Variants in CR2 observed in about 807,000 individuals in gnomAD.
CR2 encodes complement C3d receptor 2, also known as complement receptor type 2.
In CR2, 96 loss-of-function variants were observed where a neutral mutation model predicts 123.0. The ratio of observed to expected loss-of-function variants is 0.78; its 90% CI spans 0.66 to 0.93. CR2 has a LOEUF of 0.93. Ranked by LOEUF, CR2 falls within the 40% of genes least tolerant of loss-of-function variation. The pLI is 0.00. For missense variants in CR2, 1,258 were observed against 1,361.0 expected (o/e 0.92, Z 1.19); for synonymous variants, 484 against 469.5 (o/e 1.03, Z -0.40).
chr1:207,456,656 C>G lies in CR2; in HGVS notation c.58+2180C>G, dbSNP rs187308251. Among the ~76,000 whole-genome samples, 10 of 152,332 alleles carry G rather than the reference C, an allele frequency of 6.6e-5. No individual in the cohort carries two copies. In the East Asian group the frequency reaches 1.9e-3, roughly 29 times the overall value. The stretch of plus-strand genomic sequence containing the variant: ...TTATCCTATGCTGAGAAAACAAAAC[C>G]ATGAAACAAGAATGCTCCCATTTTC... On this transcript the variant is annotated intron_variant, in intron 1 of 19. Transcript: ENST00000367057.
intron 19 of CR2, among the ~76,000 whole-genome samples, chr1:207,486,724 T>C (rs1441216889): frequency 2.6e-5 from 4 of 152,124 alleles, no homozygotes; most frequent in Admixed American, 6.5e-5. Context: ...GACAGTAGGA[T>C]TCGTGGATAG....
At chr1:207,477,760 T>C in intron 15 of CR2, 125 bp from the exon 16 acceptor site, 1 of 771,396 alleles carries the variant, frequency 1.3e-6, no homozygotes, top group Non-Finnish European at 2.2e-6. Flanking sequence ...CCTATTTCAG[T>C]GCAGCTTTCC....
chr1:207,474,972 T>C lies in CR2; in HGVS notation c.2472T>C (p.Asp824=), dbSNP rs1223916481. The change falls in exon 14 of 20, where the codon GAT becomes GAC. Residue 824 remains aspartate (D), a synonymous_variant. Coordinates refer to ENST00000367057, the MANE Select transcript of CR2 (RefSeq NM_001006658.3). ...LGEKKLQCRS[D]SKGHGSWSGP... is the part of the protein sequence containing the mutation. ...AGAAAAAATTGCAGTGCAGAAGTGA[T>C]TCTAAAGGACATGGATCTTGGAGCG... 5 of 1,614,142 alleles carry C rather than the reference T, an allele frequency of 3.1e-6. No individual in the cohort carries two copies. The highest frequency in any genetic ancestry group is 1.1e-5 in the South Asian group (1 of 91,086).
In CR2 at chr1:207,489,546, A is replaced by G. The variant is rs1469818115; in HGVS notation, c.*423A>G. ...TTTTTAATTATCTAAAGTATGAAGCATTTTCTGGGGTTATGATGGCTTTAC... is the reference window on the plus strand; with the variant it reads ...TTTTTAATTATCTAAAGTATGAAGCGTTTTCTGGGGTTATGATGGCTTTAC... On this transcript the variant is annotated 3_prime_UTR_variant, in exon 20 of 20. Transcript: ENST00000367057. The G allele has an allele frequency of 6.6e-6, 1 of 152,148 alleles. No homozygotes were observed. Among genetic ancestry groups the G allele is most frequent in the Non-Finnish European group, 1.5e-5 (1 of 68,028 alleles). The allele number at this position is 152,148 out of a possible 1,614,324, so 9.4% of individuals were successfully genotyped here. A position where few individuals can be genotyped will look rare whatever the true frequency, so the allele number is the denominator to read the frequency against.
intron 17 of CR2, 85 bp downstream of exon 17, chr1:207,479,365 T>C: frequency 1.1e-6 from 1 of 932,044 alleles, no homozygotes; most frequent in Admixed American, 1.9e-5. Flanking sequence ...TCCTATCTGA[T>C]GATATATTTA....
Position 207,473,814 on chromosome 1 carries a change from T to G in CR2, c.2169T>G (p.His723Gln), listed in dbSNP as rs566892752. The change falls in exon 12 of 20, where the codon CAT (histidine) becomes CAG (glutamine). Residue 723 changes from histidine (H) to glutamine (Q), a missense_variant. By Grantham distance (24) the His-to-Gln change is conservative (BLOSUM62 0). Coordinates refer to ENST00000367057, the MANE Select transcript of CR2 (RefSeq NM_001006658.3). Reference sequence around the variant, plus strand: ...TTGCTTCTCCAGAAACATGCCAGCATGTGAGACAGAGTCTTCAAGAACTTC... The same window carrying G: ...TTGCTTCTCCAGAAACATGCCAGCAGGTGAGACAGAGTCTTCAAGAACTTC... ...SAPRCEETCQ[H>Q]VRQSLQELPA... The G allele has an allele frequency of 6.2e-7, 1 of 1,614,018 alleles. No homozygotes were observed. Among genetic ancestry groups the G allele is most frequent in the Non-Finnish European group, 8.5e-7 (1 of 1,179,898 alleles).
In CR2 at chr1:207,469,849, T is replaced by C; in HGVS notation, c.972T>C (p.Arg324=). 9 of 1,613,936 alleles carry C rather than the reference T, an allele frequency of 5.6e-6. No individual in the cohort carries two copies. The highest frequency in any genetic ancestry group is 7.6e-6 in the Non-Finnish European group (9 of 1,179,922). ...TCCTTATTGGAGAGAGCACTCTCCG[T>C]TGTACAGTTGATAGTCAGAAGACTG... ...NFILIGESTL[R]CTVDSQKTGT... is the part of the protein sequence containing the mutation. The change falls in exon 6 of 20, where the codon CGT becomes CGC. Residue 324 remains arginine, a synonymous_variant. Coordinates refer to ENST00000367057, the MANE Select transcript of CR2 (RefSeq NM_001006658.3).
At position 207,466,713 on chromosome 1, in the gene CR2, T is replaced by A; in HGVS notation, c.246T>A (p.Cys82Ter). The A allele has an allele frequency of 4.3e-6, 7 of 1,614,060 alleles. No individual in the cohort carries two copies. The highest frequency in any genetic ancestry group is 5.9e-6 in the Non-Finnish European group (7 of 1,179,932). ...DGTWDKPAPK[C>*]EYFNKYSSCP... ...CCTGGGATAAACCTGCTCCTAAATG[T>A]GAATATTTCAATAAATATTCTTCTT... is the stretch of plus-strand genomic sequence containing the variant. The change falls in exon 2 of 20, where the codon TGT becomes TGA. Residue 82 changes from cysteine to a stop codon, truncating the protein, a stop_gained. Transcript: ENST00000367057. LOFTEE classifies it high-confidence loss of function.
intron 1 of CR2, among the ~76,000 whole-genome samples, chr1:207,455,209 T>C (rs1190301559): frequency 6.6e-6 from 1 of 152,264 alleles, no homozygotes; most frequent in Non-Finnish European, 1.5e-5. Context: ...GTCTCTTGGC[T>C]ACAGGATGGG....
At chr1:207,468,350 T>C (rs1041103512) in intron 2 of CR2, 177 bp from the exon 3 acceptor site, 6 of 638,960 alleles carry the variant, frequency 9.4e-6, no homozygotes, top group Non-Finnish European at 1.6e-5. Context: ...ATTTTTTTTT[T>C]GCAATTTTTT....
In CR2 at chr1:207,485,463, G is replaced by A; in HGVS notation, c.3189-1G>A. 3 of 1,577,314 alleles carry A rather than the reference G, an allele frequency of 1.9e-6. No homozygotes were observed. The highest frequency in any genetic ancestry group is 1.3e-5 in the African/African-American group (1 of 74,246). ...ACATTTTTCTTTCTTCTTCTGTTTAGCAATTATTATACAGATACAAGCCAG... is the reference window on the plus strand; with the variant it reads ...ACATTTTTCTTTCTTCTTCTGTTTAACAATTATTATACAGATACAAGCCAG... On this transcript the variant is annotated splice_acceptor_variant, in intron 18 of 19. Transcript: ENST00000367057. LOFTEE classifies it high-confidence loss of function.
rs1358577219 is a variant in CR2 at position 207,471,423 on chromosome 1, G to C, written c.1494G>C (p.Gly498=). 6.2e-7 allele frequency: 1 copy of C among 1,610,170 alleles called. No homozygotes were observed. Among genetic ancestry groups the C allele is most frequent in the Non-Finnish European group, 8.5e-7 (1 of 1,176,560 alleles). Residue 498 remains glycine, a splice_region_variant and synonymous_variant, in exon 9 of 20, where the codon GGG becomes GGC. Coordinates refer to ENST00000367057, the MANE Select transcript of CR2 (RefSeq NM_001006658.3). ...ATGACATACGTGACTCTGTCTCTAG[G>C]TACAAGTTAAGTGGGAGTGTTTATC... is the stretch of plus-strand genomic sequence containing the variant. ...RPDVNSSCGE[G]YKLSGSVYQE... is the part of the protein sequence containing the mutation.
At chr1:207,478,181 C>G (rs1558195933) in intron 16 of CR2, 111 bp downstream of exon 16, 1 of 1,168,414 alleles carries the variant, frequency 8.6e-7, no homozygotes, top group Non-Finnish European at 1.2e-6. Flanking sequence ...AGGTTTGTGA[C>G]CAGTTGTATA....
In CR2 at chr1:207,470,932, T is replaced by A. The variant is rs1462907648; in HGVS notation, c.1402+16T>A. 10 of 1,613,868 alleles carry A rather than the reference T, an allele frequency of 6.2e-6. No individual in the cohort carries two copies. Among genetic ancestry groups the A allele is most frequent in the Non-Finnish European group, 6.8e-6 (8 of 1,179,820 alleles). ...CAATGCAAAGGTGCCAGGCCTCAAA[T>A]GTAGACATTTTGTTAACTTTAAGAT... On this transcript the variant is annotated intron_variant, in intron 7 of 19. Coordinates refer to ENST00000367057, the MANE Select transcript of CR2 (RefSeq NM_001006658.3).
rs1216701099 is a variant in CR2, at chr1:207,466,556, T to A, written c.89T>A (p.Leu30Gln). The stretch of plus-strand genomic sequence containing the variant: ...TCTTGTGGCTCTCCTCCGCCTATCC[T>A]AAATGGCCGGATTAGTTATTATTCT... ...GISCGSPPPI[L>Q]NGRISYYSTP... The change falls in exon 2 of 20, where the codon CTA (leucine) becomes CAA (glutamine). Residue 30 changes from leucine to glutamine, a missense_variant. By Grantham distance (113) the Leu-to-Gln change is moderately radical (BLOSUM62 -2). Coordinates refer to ENST00000367057, the MANE Select transcript of CR2 (RefSeq NM_001006658.3). 6.2e-7 allele frequency: 1 copy of A among 1,613,998 alleles called. No individual in the cohort carries two copies. Among genetic ancestry groups the A allele is most frequent in the Non-Finnish European group, 8.5e-7 (1 of 1,179,998 alleles).
At chr1:207,480,927 A>C (rs988166398) in intron 18 of CR2, among the ~76,000 whole-genome samples, 2 of 152,054 alleles carry the variant, frequency 1.3e-5, no homozygotes, top group Non-Finnish European at 2.9e-5. Flanking sequence ...TTTCAAAAAA[A>C]AATTGTGATT....
intron 18 of CR2, among the ~76,000 whole-genome samples, chr1:207,480,472 TA>T (rs1658573726): frequency 6.6e-6 from 1 of 152,206 alleles, no homozygotes; most frequent in South Asian, 2.1e-4. Context: ...TTTCAGTTAC[TA>T]AATAGCATAT....
intron 1 of CR2, among the ~76,000 whole-genome samples, chr1:207,463,490 C>T (rs991684046): frequency 3.3e-5 from 5 of 152,138 alleles, no homozygotes; most frequent in Non-Finnish European, 5.9e-5. Flanking sequence ...TGACCAGGAG[C>T]TTGAATTTCA....
chr1:207,457,704 T>G (rs1367134392), intron 1 of CR2, among the ~76,000 whole-genome samples: 1 of 152,176 alleles, frequency 6.6e-6, no homozygotes, highest in Non-Finnish European at 1.5e-5. Context: ...TCCTTTACCT[T>G]GAAACCATTA....
Sources: gnomAD v4.1 joint callset for allele counts (sites outside exome capture counted in the v4.1 genomes callset) on GRCh38, gnomAD v4.1.1 for gene constraint, MANE v1.5 for transcripts, NCBI Gene and HGNC (gene_info 2026-07-23, HGNC 2026-07-21) for gene names.